CLIC5: variants seen among roughly 807,000 people sequenced by gnomAD.
The protein encoded by CLIC5 is CLIC family member 5, also known as chloride intracellular channel protein 5.
A neutral mutation model predicts 24.7 loss-of-function variants in CLIC5; 20 were observed. The observed-to-expected ratio is 0.81, with a 90% CI of 0.57 to 1.18. The LOEUF is 1.18. Ranked by LOEUF, CLIC5 falls within the 50% of genes most tolerant of loss-of-function variation. The probability of loss-of-function intolerance (pLI) is 0.00; values close to 1 mark genes in which losing one functional copy is unlikely to be tolerated. For synonymous variants in CLIC5, 159 were observed against 135.6 expected (o/e 1.17, Z -1.20); for missense variants, 341 against 326.1 (o/e 1.05, Z -0.35).
At chr6:46,080,773 T>C (rs983031154), upstream of CLIC5, among the ~76,000 whole-genome samples, 3 of 152,228 alleles carry the variant, frequency 2.0e-5, no homozygotes, top group Non-Finnish European at 4.4e-5. Context: ...CTGTGATAAA[T>C]GAATTACATG....
At chr6:46,067,253 C>T (rs62400500) in intron 1 of CLIC5, among the ~76,000 whole-genome samples, 2 of 151,996 alleles carry the variant, frequency 1.3e-5, no homozygotes, top group Non-Finnish European at 2.9e-5. Flanking sequence ...ACGGAGCTAC[C>T]GAGATAAGAA....
intron 4 of CLIC5, among the ~76,000 whole-genome samples, chr6:45,925,680 G>C (rs537771897): frequency 2.0e-5 from 3 of 152,182 alleles, no homozygotes; most frequent in Admixed American, 6.5e-5. Context: ...TTTGTTGAAA[G>C]AATAAGCCGT....
At chr6:45,993,381 C>G (rs1194538958) in intron 1 of CLIC5, among the ~76,000 whole-genome samples, 1 of 152,140 alleles carries the variant, frequency 6.6e-6, no homozygotes, top group East Asian at 1.9e-4. Flanking sequence ...CTTTATTCAA[C>G]AATCAATCAA....
intron 4 of CLIC5, among the ~76,000 whole-genome samples, chr6:45,935,835 A>G (rs1763910377): frequency 6.6e-6 from 1 of 152,156 alleles, no homozygotes; most frequent in Non-Finnish European, 1.5e-5. Context: ...AGCAGACAGA[A>G]AAGGATATCC....
At chr6:45,994,638 A>G (rs1228736963) in intron 1 of CLIC5, among the ~76,000 whole-genome samples, 2 of 152,178 alleles carry the variant, frequency 1.3e-5, no homozygotes, top group Non-Finnish European at 1.5e-5. Context: ...AAAATAAAAA[A>G]TTGGGCATGT....
At chr6:46,103,125 T>C in the CLIC5 span, among the ~76,000 whole-genome samples, 29 of 152,302 alleles carry the variant, frequency 1.9e-4, no homozygotes, top group African/African-American at 6.7e-4. Flanking sequence ...AATACAGACT[T>C]GAAGAGATTA....
intron 1 of CLIC5, among the ~76,000 whole-genome samples, chr6:46,040,994 A>C (rs1032879963): frequency 9.8e-5 from 15 of 152,372 alleles, no homozygotes; most frequent in African/African-American, 3.6e-4. Flanking sequence ...TAAATAGTAT[A>C]GCAGTGTTAT....
rs1028646876 is a variant in CLIC5, at chr6:45,953,125, C to A, written c.173+2010G>T. On this transcript the variant is annotated intron_variant, in intron 2 of 5. Coordinates refer to ENST00000339561, the MANE Select transcript of CLIC5 (RefSeq NM_016929.5). ...TTTGAACCAAGCAGATGGCGTTTAG[C>A]CCCTCTAATTTCTAGTTGGCATCTT... is the stretch of plus-strand genomic sequence containing the variant. 5.9e-5 allele frequency among the ~76,000 whole-genome samples: 9 copies of A among 152,098 alleles called. No individual in the cohort carries two copies. The East Asian group carries it at 1.5e-3, about 26-fold the overall frequency.
intron 1 of CLIC5, among the ~76,000 whole-genome samples, chr6:45,966,574 G>A (rs1561970322): frequency 6.6e-6 from 1 of 152,164 alleles, no homozygotes; most frequent in African/African-American, 2.4e-5. Flanking sequence ...CAGCATCAGA[G>A]TCTCTGGGCT....
upstream of CLIC5, among the ~76,000 whole-genome samples, chr6:46,016,753 C>T (rs529057007): frequency 4.4e-4 from 67 of 152,330 alleles, no homozygotes; most frequent in Admixed American, 1.1e-3. Context: ...CTCCTCTCCA[C>T]ATCTTTTCTC....
chr6:45,987,358 T>C (rs957377349), intron 1 of CLIC5, among the ~76,000 whole-genome samples: 1 of 152,158 alleles, frequency 6.6e-6, no homozygotes, highest in African/African-American at 2.4e-5. Flanking sequence ...TAAACTGTGG[T>C]CTCCATTGGA....
the CLIC5 span, among the ~76,000 whole-genome samples, chr6:46,105,831 C>T: frequency 6.6e-6 from 1 of 152,186 alleles, no homozygotes; most frequent in Admixed American, 6.5e-5. Flanking sequence ...CTGGCAAGAA[C>T]TACAGTTTGG....
chr6:46,124,680 G>A, the CLIC5 span, among the ~76,000 whole-genome samples: 2 of 152,140 alleles, frequency 1.3e-5, no homozygotes, highest in African/African-American at 4.8e-5. Context: ...CTACTCATCT[G>A]ACAAAGGGCT....
At chr6:46,108,047 A>C in the CLIC5 span, among the ~76,000 whole-genome samples, 3 of 150,856 alleles carry the variant, frequency 2.0e-5, no homozygotes, top group South Asian at 2.1e-4. Context: ...AAAAAAAAAA[A>C]AAAAAAAAAC....
At chr6:45,893,188 G>A (rs1448472242) in intron 6 of CLIC5, among the ~76,000 whole-genome samples, 1 of 149,986 alleles carries the variant, frequency 6.7e-6, no homozygotes, top group East Asian at 1.9e-4. Flanking sequence ...ATGTTGTATG[G>A]CAACTTGATA....
At chr6:45,903,877 C>T (rs990358026) in intron 5 of CLIC5, among the ~76,000 whole-genome samples, 1 of 151,870 alleles carries the variant, frequency 6.6e-6, no homozygotes, top group East Asian at 1.9e-4. Flanking sequence ...CAGTTTTTCC[C>T]TTCTTTATTT....
At chr6:45,946,063 T>C (rs1218978215) in intron 3 of CLIC5, among the ~76,000 whole-genome samples, 1 of 152,204 alleles carries the variant, frequency 6.6e-6, no homozygotes, top group Non-Finnish European at 1.5e-5. Flanking sequence ...TCTTGGAGAC[T>C]ATGTAGTTTC....
the CLIC5 span, among the ~76,000 whole-genome samples, chr6:46,114,535 AGTTCCTTCCTGTATAG>A: frequency 1.3e-5 from 2 of 152,120 alleles, no homozygotes; most frequent in African/African-American, 4.8e-5. Context: ...TCTTAATGGG[AGTTCCTTCCTGTATAG>A]GTACTTGCCC....
intron 4 of CLIC5, among the ~76,000 whole-genome samples, chr6:45,941,231 G>A (rs921764074): frequency 6.6e-6 from 1 of 152,232 alleles, no homozygotes; most frequent in African/African-American, 2.4e-5. Context: ...AATGGGCAGT[G>A]AGGACCGTTC....
Sources: allele counts gnomAD v4.1 joint callset (sites outside exome capture counted in the v4.1 genomes callset), GRCh38; gene constraint gnomAD v4.1.1; transcripts MANE v1.5; gene names NCBI Gene and HGNC (gene_info 2026-07-23, HGNC 2026-07-21).